FGFR1OP2: variants seen among roughly 807,000 people sequenced by gnomAD.
The protein encoded by FGFR1OP2 is FGFR1 oncogene partner 2, also known as fibroblast growth factor receptor 1 oncogene partner 2.
FGFR1OP2 carries 17 observed loss-of-function variants against 35.2 expected under a neutral mutation model. The observed-to-expected ratio is 0.48, with a 90% CI of 0.33 to 0.73. The LOEUF (loss-of-function observed/expected upper bound fraction) is 0.73, where lower values mean the gene tolerates loss of function less well. Among genes scored for constraint, FGFR1OP2 ranks in the 30% least tolerant of loss-of-function variants. The pLI is 0.02. For missense variants in FGFR1OP2, 251 were observed against 307.3 expected, an observed-to-expected ratio of 0.82 and a Z score of 1.37; for synonymous variants, 105 against 104.6, an observed-to-expected ratio of 1.00 and a Z score of -0.03.
At chr12:26,939,035 G>T (rs141075592) in intron 1 of FGFR1OP2, among the ~76,000 whole-genome samples, 3 of 152,304 alleles carry the variant, frequency 2.0e-5, no homozygotes, top group African/African-American at 7.2e-5. Context: ...GACCCTTTCA[G>T]TCACCTGTTT....
chr12:26,964,766 C>T lies in FGFR1OP2; in HGVS notation c.*33C>T, dbSNP rs372501738. 5.7e-6 allele frequency: 9 copies of T among 1,590,708 alleles called. No individual in the cohort carries two copies. The highest frequency in any genetic ancestry group is 7.7e-6 in the Non-Finnish European group (9 of 1,168,094). On this transcript the variant is annotated 3_prime_UTR_variant, in exon 7 of 7. Coordinates refer to ENST00000229395, the MANE Select transcript of FGFR1OP2 (RefSeq NM_015633.3). ...CTGAGTCTGTGAGCTTCTTACATGGCTCCAAATGGTCAAATAAGTGAATGA... is the reference window on the plus strand; with the variant it reads ...CTGAGTCTGTGAGCTTCTTACATGGTTCCAAATGGTCAAATAAGTGAATGA...
intron 1 of FGFR1OP2, chr12:26,953,473 ACTG>A (rs1938970333): frequency 6.6e-6 from 1 of 152,162 alleles, no homozygotes; most frequent in Non-Finnish European, 1.5e-5. Flanking sequence ...CATATTGCTT[ACTG>A]ATTTTAGCAT....
chr12:26,951,579 C>T (rs998481008), intron 1 of FGFR1OP2, among the ~76,000 whole-genome samples: 6 of 152,136 alleles, frequency 3.9e-5, no homozygotes, highest in Non-Finnish European at 7.4e-5. Flanking sequence ...CTCGACCTCC[C>T]AAAGTGCTGG....
intron 5 of FGFR1OP2, chr12:26,961,874 A>G (rs1234349131): frequency 1.3e-5 from 2 of 152,258 alleles, no homozygotes; most frequent in Admixed American, 1.3e-4. Flanking sequence ...TGCAGCTGCA[A>G]TGATCTGTAC....
chr12:26,963,355 A>C lies in FGFR1OP2; in HGVS notation c.524A>C (p.His175Pro). Residue 175 changes from histidine to proline, a missense_variant, in exon 6 of 7, where the codon CAT becomes CCT. By Grantham distance (77) the His-to-Pro change is moderately conservative (BLOSUM62 -2). Transcript: ENST00000229395. ...LEANQNELQA[H>P]VDQITEMAAV... ...CCTCTTTTTCAGGAACTGCAAGCAC[A>C]TGTTGACCAGATAACTGAAATGGCA... is the stretch of plus-strand genomic sequence containing the variant. 1 of 1,608,130 alleles carries C rather than the reference A, an allele frequency of 6.2e-7. No homozygotes were observed. The highest frequency in any genetic ancestry group is 2.2e-5 in the East Asian group (1 of 44,688).
Position 26,938,723 on chromosome 12 carries a change from A to AAT in FGFR1OP2, c.-15+14_-15+15dup, listed in dbSNP as rs1333920504. The AAT allele has an allele frequency of 3.3e-5, 5 of 152,328 alleles. No individual in the cohort carries two copies. Among genetic ancestry groups the AAT allele is most frequent in the African/African-American group, 1.2e-4 (5 of 41,434 alleles). 9.4% of individuals were successfully genotyped at this position (152,328 alleles called of 1,614,324 possible). A position where few individuals can be genotyped will look rare whatever the true frequency, so the allele number is the denominator to read the frequency against. On this transcript the variant is annotated intron_variant, in intron 1 of 6. Transcript: ENST00000229395. ...GACTAAGAGCAGAGTAAGTGGACTA[A>AAT]ATCCAGGGACGGGAGCAGGGGTGGG...
intron 2 of FGFR1OP2, among the ~76,000 whole-genome samples, chr12:26,955,645 C>G (rs1024734349): frequency 2.0e-5 from 3 of 152,214 alleles, no homozygotes; most frequent in African/African-American, 7.2e-5. Flanking sequence ...TAGCATGTAT[C>G]AGTACTTCAT....
chr12:26,958,666 T>C (rs1035718672), intron 4 of FGFR1OP2, among the ~76,000 whole-genome samples: 7 of 152,198 alleles, frequency 4.6e-5, no homozygotes, highest in Non-Finnish European at 8.8e-5. Flanking sequence ...AGTTAGAAAT[T>C]AGTGTTTTAC....
chr12:26,959,970 G>T (rs145001083), intron 4 of FGFR1OP2, among the ~76,000 whole-genome samples: 1 of 152,106 alleles, frequency 6.6e-6, no homozygotes, highest in East Asian at 1.9e-4. Flanking sequence ...AACGCTAGAG[G>T]GAACAATATT....
At chr12:26,960,449 ACACT>A (rs1436569528) in intron 4 of FGFR1OP2, 62 bp from the exon 5 acceptor site, 2 of 1,143,770 alleles carry the variant, frequency 1.7e-6, no homozygotes, top group East Asian at 2.5e-5. Context: ...GCATGAACTA[ACACT>A]CATTCAGTTT....
chr12:26,954,918 A>C (rs1423992329), intron 2 of FGFR1OP2, among the ~76,000 whole-genome samples: 1 of 152,222 alleles, frequency 6.6e-6, no homozygotes. Context: ...GAAAATTATA[A>C]AATCTCTGAC....
At chr12:26,949,211 C>T (rs1201041957) in intron 1 of FGFR1OP2, among the ~76,000 whole-genome samples, 1 of 152,112 alleles carries the variant, frequency 6.6e-6, no homozygotes, top group African/African-American at 2.4e-5. Flanking sequence ...TCTCAGCTCA[C>T]TGCAACCTCC....
chr12:26,943,231 C>A (rs1296646339), intron 1 of FGFR1OP2, among the ~76,000 whole-genome samples: 1 of 152,154 alleles, frequency 6.6e-6, no homozygotes, highest in Non-Finnish European at 1.5e-5. Flanking sequence ...TGCCTTTGCA[C>A]CTTTTTCAAA....
At chr12:26,939,350 C>G (rs1364085516) in intron 1 of FGFR1OP2, among the ~76,000 whole-genome samples, 1 of 151,932 alleles carries the variant, frequency 6.6e-6, no homozygotes, top group Admixed American at 6.5e-5. Context: ...TATCTCTGTC[C>G]TTTCCTTAAA....
At position 26,950,213 on chromosome 12, in the gene FGFR1OP2, GTTTTTTTTT is replaced by G. The variant is rs1174799685; in HGVS notation, c.-14-3914_-14-3906del. Among the ~76,000 whole-genome samples the G allele has an allele frequency of 3.1e-4, 16 of 50,942 alleles. 1 individual carries two copies. The East Asian group carries it at 4.0e-3, about 13-fold the overall frequency. The allele number at this position is 50,942 out of a possible 152,430, so 33.4% of individuals were successfully genotyped here. On this transcript the variant is annotated intron_variant, in intron 1 of 6. Transcript: ENST00000229395. ...CCATCAAGTAGTTAATGTATTCGTT[GTTTTTTTTT>G]TTTTTTTTTTTTTTTTTGAGACAGA...
intron 1 of FGFR1OP2, among the ~76,000 whole-genome samples, chr12:26,939,082 G>C (rs916606034): frequency 6.6e-6 from 1 of 152,182 alleles, no homozygotes; most frequent in African/African-American, 2.4e-5. Context: ...TCTTGAAACT[G>C]CTCTCCAAGG....
In FGFR1OP2 at chr12:26,964,729, G is replaced by C. The variant is rs118150543; in HGVS notation, c.758G>C (p.Ser253Thr). ...AACAGTGATTTGAGTCTGAGGAAGA[G>C]CTGAAGAGTTTCTGAGTCTGTGAGC... ...VTNSDLSLRK[S>T] The change falls in exon 7 of 7, where the codon AGC becomes ACC. Residue 253 changes from serine to threonine, a missense_variant. Physicochemically the swap from Ser to Thr is moderately conservative, Grantham distance 58 (BLOSUM62 1). Transcript: ENST00000229395. The C allele has an allele frequency of 1.2e-6, 2 of 1,610,128 alleles. No homozygotes were observed. The highest frequency in any genetic ancestry group is 1.7e-6 in the Non-Finnish European group (2 of 1,178,618).
intron 1 of FGFR1OP2, among the ~76,000 whole-genome samples, chr12:26,943,565 C>G (rs891794071): frequency 3.3e-5 from 5 of 152,158 alleles, no homozygotes; most frequent in Non-Finnish European, 7.3e-5. Flanking sequence ...TGGCTCACAC[C>G]TGTAATCCCA....
chr12:26,950,024 A>G (rs2136352165), intron 1 of FGFR1OP2, among the ~76,000 whole-genome samples: 1 of 152,108 alleles, frequency 6.6e-6, no homozygotes, highest in East Asian at 1.9e-4. Flanking sequence ...GGAGTCTTTT[A>G]ACTTCTTCAT....
Sources: gnomAD v4.1 joint callset for allele counts (sites outside exome capture counted in the v4.1 genomes callset) on GRCh38, gnomAD v4.1.1 for gene constraint, MANE v1.5 for transcripts, NCBI Gene and HGNC (gene_info 2026-07-23, HGNC 2026-07-21) for gene names.